CORO7: variants seen among roughly 807,000 people sequenced by gnomAD.
CORO7 encodes coronin-7.
CORO7 carries 107 observed loss-of-function variants against 126.6 expected under a neutral mutation model. The ratio of observed to expected loss-of-function variants is 0.85; its 90% CI spans 0.72 to 0.99. CORO7 has a LOEUF of 0.99. CORO7 is among the 50% of genes least tolerant of loss of function. The probability of loss-of-function intolerance (pLI) is 0.00; values close to 1 mark genes in which losing one functional copy is unlikely to be tolerated. For missense variants in CORO7, 1,314 were observed against 1,255.8 expected, an observed-to-expected ratio of 1.05 and a Z score of -0.70; for synonymous variants, 603 against 536.8, an observed-to-expected ratio of 1.12 and a Z score of -1.70.
intron 5 of CORO7, 49 bp from the exon 6 acceptor site, chr16:4,405,616 G>A (rs1226352900): frequency 6.3e-7 from 1 of 1,590,448 alleles, no homozygotes; most frequent in African/African-American, 1.3e-5. Flanking sequence ...GGGCACCAGG[G>A]AAGTGGGTGG....
chr16:4,381,105 G>T (rs781143099), intron 9 of CORO7: 2 of 1,608,720 alleles, frequency 1.2e-6, no homozygotes, highest in South Asian at 1.1e-5. Flanking sequence ...CCGGCCTGCC[G>T]GGCCTGCAGC....
At chr16:4,414,872 C>CT in intron 1 of CORO7, among the ~76,000 whole-genome samples, 1 of 152,008 alleles carries the variant, frequency 6.6e-6, no homozygotes, top group African/African-American at 2.4e-5. Flanking sequence ...TTGTTTTTTT[C>CT]TTTTTTTGAG....
intron 9 of CORO7, among the ~76,000 whole-genome samples, chr16:4,369,764 G>A (rs529673754): frequency 1.3e-4 from 20 of 152,182 alleles, no homozygotes; most frequent in African/African-American, 4.3e-4. Flanking sequence ...CTGCCATTGC[G>A]CCAGTTCAAA....
chr16:4,402,253 G>C (rs534287815), intron 6 of CORO7, among the ~76,000 whole-genome samples: 1 of 149,834 alleles, frequency 6.7e-6, no homozygotes, highest in African/African-American at 2.5e-5. Flanking sequence ...TGTTGTTGTT[G>C]TTGTTGTTGT....
intron 3 of CORO7, 113 bp downstream of exon 3, chr16:4,412,243 C>T: frequency 8.6e-7 from 1 of 1,161,362 alleles, no homozygotes; most frequent in Non-Finnish European, 1.3e-6. Flanking sequence ...GACAGGGCGA[C>T]AGGAGGGACC....
At chr16:4,382,412 G>A (rs774480592) in intron 9 of CORO7, 6 of 1,611,654 alleles carry the variant, frequency 3.7e-6, no homozygotes, top group Middle Eastern at 1.7e-4. Flanking sequence ...GTGACGCTGC[G>A]ACTGCCTGCC....
At chr16:4,402,872 C>T (rs2055862709) in intron 6 of CORO7, among the ~76,000 whole-genome samples, 1 of 152,194 alleles carries the variant, frequency 6.6e-6, no homozygotes, top group African/African-American at 2.4e-5. Context: ...CCTTCTCTCC[C>T]AGCTCGGGAG....
rs369293397 is a variant in CORO7 at position 4,395,342 on chromosome 16, G to A, written c.565-3C>T. 3.4e-5 allele frequency: 55 copies of A among 1,614,000 alleles called. No homozygotes were observed. In the African/African-American group the frequency reaches 6.0e-4, roughly 18 times the overall value. ...TCAAAGATCCGCAGCTGCTTGTCCT[G>A]GAAAAGCAGAGAGGAGGAAACAACT... On this transcript the variant is annotated splice_polypyrimidine_tract_variant and splice_region_variant and intron_variant, in intron 6 of 27. Coordinates refer to ENST00000251166, the MANE Select transcript of CORO7 (RefSeq NM_024535.5).
At chr16:4,369,640 G>C (rs149691445) in intron 9 of CORO7, among the ~76,000 whole-genome samples, 1 of 152,152 alleles carries the variant, frequency 6.6e-6, no homozygotes, top group African/African-American at 2.4e-5. Context: ...GATTAGCACC[G>C]AGGGGAAGCA....
At chr16:4,393,171 A>T (rs928690838) in intron 7 of CORO7, among the ~76,000 whole-genome samples, 15 of 152,286 alleles carry the variant, frequency 9.8e-5, no homozygotes, top group Non-Finnish European at 1.8e-4. Context: ...GGGCAGAAGC[A>T]TAGGTGCCCC....
At chr16:4,382,703 C>T (rs2055040416) in intron 9 of CORO7, 4 of 1,548,980 alleles carry the variant, frequency 2.6e-6, no homozygotes, top group Non-Finnish European at 2.6e-6. Context: ...GCAGCAGCGG[C>T]TCAGGACAAA....
At chr16:4,414,444 G>C (rs1055020077) in intron 1 of CORO7, 1 of 152,194 alleles carries the variant, frequency 6.6e-6, no homozygotes, top group East Asian at 1.9e-4. Flanking sequence ...ACTCCTTCCT[G>C]CCCTCGATGA....
chr16:4,373,992 G>A (rs2054624785), intron 9 of CORO7, among the ~76,000 whole-genome samples: 1 of 152,204 alleles, frequency 6.6e-6, no homozygotes, highest in South Asian at 2.1e-4. Flanking sequence ...CCCCTCCCTG[G>A]GCTGGGGAGC....
intron 9 of CORO7, among the ~76,000 whole-genome samples, chr16:4,383,795 A>G (rs987135254): frequency 2.0e-5 from 3 of 152,216 alleles, no homozygotes; most frequent in African/African-American, 7.2e-5. Flanking sequence ...GCTCTGGCCC[A>G]TGTGCGGCTG....
intron 26 of CORO7, 96 bp from the exon 27 acceptor site, chr16:4,355,468 CTTT>C (rs558470140): frequency 3.8e-4 from 409 of 1,073,768 alleles, no homozygotes; most frequent in Non-Finnish European, 4.3e-4. Flanking sequence ...GTGAAAAGAA[CTTT>C]TTTTTTTTTT....
chr16:4,415,474 T>C (rs2056373920), intron 1 of CORO7, among the ~76,000 whole-genome samples: 1 of 152,120 alleles, frequency 6.6e-6, no homozygotes, highest in Non-Finnish European at 1.5e-5. Flanking sequence ...ATGCTCTTGT[T>C]TGTCTGCTTG....
At chr16:4,385,331 A>G (rs2055158006) in intron 9 of CORO7, among the ~76,000 whole-genome samples, 1 of 152,006 alleles carries the variant, frequency 6.6e-6, no homozygotes, top group Non-Finnish European at 1.5e-5. Flanking sequence ...CTCCCCAGCC[A>G]CGGGTGGGGC....
intron 26 of CORO7, 27 bp downstream of exon 26, chr16:4,357,141 C>G (rs780269337): frequency 3.2e-5 from 51 of 1,613,106 alleles, no homozygotes; most frequent in Non-Finnish European, 4.1e-5. Flanking sequence ...CTGTCACCTC[C>G]GCACAGCTGC....
chr16:4,394,716 G>T (rs1269591599), intron 7 of CORO7, among the ~76,000 whole-genome samples: 2 of 152,230 alleles, frequency 1.3e-5, no homozygotes, highest in African/African-American at 4.8e-5. Context: ...CCCTGTCCCA[G>T]GGTTGTTGCT....
Sources: gnomAD v4.1 joint callset for allele counts (sites outside exome capture counted in the v4.1 genomes callset) on GRCh38, gnomAD v4.1.1 for gene constraint, MANE v1.5 for transcripts, NCBI Gene and HGNC (gene_info 2026-07-23, HGNC 2026-07-21) for gene names.